Variants in NR1H4 observed in about 807,000 individuals in gnomAD.
The protein encoded by NR1H4 is nuclear receptor subfamily 1 group H member 4.
In NR1H4, 23 loss-of-function variants were observed where a neutral mutation model predicts 58.5. That is an observed-to-expected ratio of 0.39 (90% CI 0.28 to 0.56). The LOEUF (loss-of-function observed/expected upper bound fraction) is 0.56. Ranked by LOEUF, NR1H4 falls within the 20% of genes least tolerant of loss-of-function variation. The pLI is 0.58. For missense variants in NR1H4, 487 were observed against 576.9 expected (o/e 0.84, Z 1.60); for synonymous variants, 214 against 198.0 (o/e 1.08, Z -0.68).
chr12:100,558,618 T>G (rs1159093371), intron 9 of NR1H4, among the ~76,000 whole-genome samples: 1 of 152,204 alleles, frequency 6.6e-6, no homozygotes, highest in East Asian at 1.9e-4. Flanking sequence ...CTTGGCCTCC[T>G]TAAGTGTTGG....
At chr12:100,493,931 A>G (rs1953657320) in intron 3 of NR1H4, among the ~76,000 whole-genome samples, 1 of 152,230 alleles carries the variant, frequency 6.6e-6, no homozygotes, top group Non-Finnish European at 1.5e-5. Flanking sequence ...AGATGATACC[A>G]TAAAATGATA....
chr12:100,511,276 A>T, intron 4 of NR1H4, 133 bp downstream of exon 4: 2 of 1,027,856 alleles, frequency 1.9e-6, no homozygotes, highest in South Asian at 2.6e-5. Context: ...CTCCTCCTAC[A>T]TCCTCACCTT....
At chr12:100,560,122 T>G (rs1955432387) in intron 9 of NR1H4, among the ~76,000 whole-genome samples, 2 of 152,164 alleles carry the variant, frequency 1.3e-5, no homozygotes, top group South Asian at 4.1e-4. Context: ...GTGGAAACTC[T>G]GTATCTAACT....
At chr12:100,561,790 CA>C in intron 9 of NR1H4, 94 bp from the exon 10 acceptor site, 1 of 695,840 alleles carries the variant, frequency 1.4e-6, no homozygotes, top group East Asian at 2.7e-5. Context: ...CATATAGTTG[CA>C]AAATTACCAT....
At chr12:100,482,763 G>A (rs982294859) in intron 1 of NR1H4, among the ~76,000 whole-genome samples, 4 of 152,084 alleles carry the variant, frequency 2.6e-5, no homozygotes, top group African/African-American at 9.7e-5. Flanking sequence ...AATTTAAGAA[G>A]ACATTCACTT....
chr12:100,479,525 A>AT (rs1333057536), intron 1 of NR1H4, among the ~76,000 whole-genome samples: 1 of 152,114 alleles, frequency 6.6e-6, no homozygotes, highest in Non-Finnish European at 1.5e-5. Flanking sequence ...ACAGCATGCT[A>AT]TTTTCCCTTC....
At chr12:100,544,310 A>C (rs1231641775) in intron 9 of NR1H4, among the ~76,000 whole-genome samples, 1 of 151,998 alleles carries the variant, frequency 6.6e-6, no homozygotes, top group Non-Finnish European at 1.5e-5. Flanking sequence ...AAAACTAATA[A>C]AATAAAAAGG....
chr12:100,493,145 T>G (rs1013264614), intron 2 of NR1H4, 125 bp from the exon 3 acceptor site: 1 of 607,586 alleles, frequency 1.6e-6, no homozygotes, highest in Non-Finnish European at 2.9e-6. Flanking sequence ...AGAAAGGCTA[T>G]AGTAAAATGC....
chr12:100,538,296 T>C (rs1381830205), intron 8 of NR1H4, among the ~76,000 whole-genome samples: 1 of 152,060 alleles, frequency 6.6e-6, no homozygotes, highest in Non-Finnish European at 1.5e-5. Context: ...ATGGAAAGGG[T>C]CTGGGGGCAG....
chr12:100,547,854 G>A (rs764146986), intron 9 of NR1H4, among the ~76,000 whole-genome samples: 50 of 151,462 alleles, frequency 3.3e-4, no homozygotes, highest in Non-Finnish European at 3.7e-4. Context: ...CCAAGTAGCT[G>A]GGACTACCGG....
intron 3 of NR1H4, among the ~76,000 whole-genome samples, chr12:100,493,869 A>C (rs568963379): frequency 9.2e-5 from 14 of 152,184 alleles, no homozygotes; most frequent in African/African-American, 3.4e-4. Flanking sequence ...TTAGTCATTT[A>C]AGCAGGATTG....
At chr12:100,545,411 A>G (rs868560108) in intron 9 of NR1H4, among the ~76,000 whole-genome samples, 2 of 152,044 alleles carry the variant, frequency 1.3e-5, no homozygotes, top group African/African-American at 4.8e-5. Flanking sequence ...AGGCCAAGGC[A>G]GGAAGATTGC....
chr12:100,544,168 C>T (rs1023158038), intron 9 of NR1H4, among the ~76,000 whole-genome samples: 5 of 147,466 alleles, frequency 3.4e-5, no homozygotes, highest in South Asian at 2.2e-4. Flanking sequence ...AGGAGAATGG[C>T]GTGAACCCAG....
chr12:100,509,570 C>T (rs1378330191), intron 3 of NR1H4, among the ~76,000 whole-genome samples: 9 of 152,118 alleles, frequency 5.9e-5, no homozygotes, highest in Non-Finnish European at 1.0e-4. Flanking sequence ...CTTACATCAA[C>T]CCAATGAGGT....
At chr12:100,552,771 T>C (rs1194285157) in intron 9 of NR1H4, among the ~76,000 whole-genome samples, 2 of 152,012 alleles carry the variant, frequency 1.3e-5, no homozygotes, top group Non-Finnish European at 2.9e-5. Flanking sequence ...AAAAATAAAA[T>C]GTCTGGATGT....
intron 4 of NR1H4, among the ~76,000 whole-genome samples, chr12:100,532,004 T>C (rs974361906): frequency 6.6e-6 from 1 of 152,164 alleles, no homozygotes; most frequent in Non-Finnish European, 1.5e-5. Context: ...TCTGTGTGTC[T>C]GCTCTGCCGC....
chr12:100,520,747 C>G (rs553808712), intron 4 of NR1H4, among the ~76,000 whole-genome samples: 28 of 152,318 alleles, frequency 1.8e-4, no homozygotes, highest in African/African-American at 6.7e-4. Flanking sequence ...GCTTGCTTCT[C>G]CTTTCCAAAA....
chr12:100,516,281 C>T lies in NR1H4; in HGVS notation c.445+5138C>T, dbSNP rs80154147. Among the ~76,000 whole-genome samples, 527 of 152,258 alleles carry T rather than the reference C, an allele frequency of 3.5e-3. 1 individual carries two copies. The highest frequency in any genetic ancestry group is 6.0e-3 in the Non-Finnish European group (408 of 68,018). ...GGAGAGAAAGAAGCAGAAAAGAACACGCATAATTTATTCGGAAAATCTGAT... is the reference window on the plus strand; with the variant it reads ...GGAGAGAAAGAAGCAGAAAAGAACATGCATAATTTATTCGGAAAATCTGAT... On this transcript the variant is annotated intron_variant, in intron 4 of 10. Transcript: ENST00000392986.
In NR1H4 at chr12:100,546,926, G is replaced by A. The variant is rs369165389; in HGVS notation, c.1078+6108G>A. ...GAAAACCCTCTGCCTGACTGAGTAC[G>A]ACTCTTAACCTACTCTGTGCTTGAG... On this transcript the variant is annotated intron_variant, in intron 9 of 10. Transcript: ENST00000392986. Among the ~76,000 whole-genome samples the A allele has an allele frequency of 7.9e-5, 12 of 152,038 alleles. 1 individual carries two copies. The highest frequency in any genetic ancestry group is 5.9e-4 in the Admixed American group (9 of 15,262).
Sources: gnomAD v4.1 joint callset for allele counts (sites outside exome capture counted in the v4.1 genomes callset) on GRCh38, gnomAD v4.1.1 for gene constraint, MANE v1.5 for transcripts, NCBI Gene and HGNC (gene_info 2026-07-23, HGNC 2026-07-21) for gene names.